MEIS2: variants seen among roughly 807,000 people sequenced by gnomAD.
MEIS2 encodes homeobox protein Meis2.
A neutral mutation model predicts 58.6 loss-of-function variants in MEIS2; 9 were observed. The observed-to-expected ratio is 0.15, with a 90% CI of 0.09 to 0.27. MEIS2 has a LOEUF of 0.27. MEIS2 is among the 10% of genes least tolerant of loss of function. The pLI, the probability that MEIS2 is intolerant of heterozygous loss-of-function variation, is 1.00. For missense variants in MEIS2, 427 were observed against 635.0 expected (o/e 0.67, Z 3.52); for synonymous variants, 221 against 228.4 (o/e 0.97, Z 0.29).
At chr15:36,935,751 T>G (rs1346357724) in intron 9 of MEIS2, among the ~76,000 whole-genome samples, 1 of 152,104 alleles carries the variant, frequency 6.6e-6, no homozygotes, top group Non-Finnish European at 1.5e-5. Context: ...TGGCTTTATC[T>G]CTAATGCCCT....
At chr15:37,063,780 T>G (rs763415532) in intron 7 of MEIS2, among the ~76,000 whole-genome samples, 5 of 152,188 alleles carry the variant, frequency 3.3e-5, no homozygotes, top group Non-Finnish European at 7.4e-5. Flanking sequence ...CTTTAAAATT[T>G]TTAAACAAGA....
At chr15:37,022,860 T>A (rs2061571818) in intron 8 of MEIS2, among the ~76,000 whole-genome samples, 1 of 151,538 alleles carries the variant, frequency 6.6e-6, no homozygotes, top group African/African-American at 2.4e-5. Context: ...TTTCACCATC[T>A]TGGCCAGGCT....
chr15:36,913,348 T>C (rs761799085), intron 9 of MEIS2, among the ~76,000 whole-genome samples: 1 of 152,240 alleles, frequency 6.6e-6, no homozygotes, highest in Non-Finnish European at 1.5e-5. Flanking sequence ...ACATTGATAC[T>C]TAGTTTGATT....
chr15:37,070,700 C>A (rs1442832407), intron 7 of MEIS2, among the ~76,000 whole-genome samples: 6 of 151,966 alleles, frequency 3.9e-5, no homozygotes, highest in Admixed American at 3.9e-4. Context: ...TTACTCAATC[C>A]TGTTAAGTCA....
chr15:36,901,683 A>G (rs1041018077), intron 9 of MEIS2, among the ~76,000 whole-genome samples: 1 of 152,224 alleles, frequency 6.6e-6, no homozygotes, highest in African/African-American at 2.4e-5. Context: ...TAATAAATTT[A>G]TAATATAAAA....
intron 8 of MEIS2, among the ~76,000 whole-genome samples, chr15:36,985,327 T>C (rs1257798338): frequency 1.3e-5 from 2 of 152,200 alleles, no homozygotes; most frequent in Non-Finnish European, 2.9e-5. Flanking sequence ...ATGAGTATTT[T>C]AATCTTGCTC....
At chr15:37,035,831 G>A (rs1246661601) in intron 8 of MEIS2, among the ~76,000 whole-genome samples, 2 of 152,166 alleles carry the variant, frequency 1.3e-5, no homozygotes, top group African/African-American at 4.8e-5. Flanking sequence ...ACCTTGTCCT[G>A]GACCCATGAC....
At chr15:36,894,943 A>G in intron 11 of MEIS2, 1 of 950,536 alleles carries the variant, frequency 1.1e-6, no homozygotes. Context: ...AAGGATGTGT[A>G]TGGGGCAGAG....
At chr15:36,989,998 G>A (rs1214243925) in intron 8 of MEIS2, among the ~76,000 whole-genome samples, 4 of 152,184 alleles carry the variant, frequency 2.6e-5, no homozygotes, top group African/African-American at 9.6e-5. Flanking sequence ...AGGCTGGAGT[G>A]CAGTGGCACA....
chr15:36,995,706 T>TAAAAAAAAAAAAAAA (rs71821151), intron 8 of MEIS2, among the ~76,000 whole-genome samples: 1 of 4,122 alleles, frequency 2.4e-4, no homozygotes, highest in Non-Finnish European at 3.8e-4. Context: ...TTACAGCTAC[T>TAAAAAAAAAAAAAAA]AAAAAAAAAA....
At chr15:37,078,415 A>C (rs1891705669) in intron 7 of MEIS2, among the ~76,000 whole-genome samples, 1 of 151,690 alleles carries the variant, frequency 6.6e-6, no homozygotes, top group African/African-American at 2.4e-5. Flanking sequence ...CCAGATGTGA[A>C]AGACATTCAT....
chr15:37,099,484 A>G lies in MEIS2; in HGVS notation c.-18T>C. ...TGCGCCATCAGTCTGCGCTCCAATA[A>G]ACTCCTGGATGTGTCGTATATTTAA... On this transcript the variant is annotated 5_prime_UTR_variant, in exon 1 of 12. Coordinates refer to ENST00000561208, the MANE Select transcript of MEIS2 (RefSeq NM_170675.5). 1 of 1,613,878 alleles carries G rather than the reference A, an allele frequency of 6.2e-7. No individual in the cohort carries two copies. Among genetic ancestry groups the G allele is most frequent in the Non-Finnish European group, 8.5e-7 (1 of 1,179,978 alleles).
intron 8 of MEIS2, among the ~76,000 whole-genome samples, chr15:37,013,605 C>T (rs2061242810): frequency 6.8e-6 from 1 of 147,670 alleles, no homozygotes; most frequent in Admixed American, 6.8e-5. Flanking sequence ...TATAATATTG[C>T]TAATATATTA....
intron 8 of MEIS2, among the ~76,000 whole-genome samples, chr15:36,985,834 G>T (rs2060075343): frequency 6.6e-6 from 1 of 152,112 alleles, no homozygotes; most frequent in Non-Finnish European, 1.5e-5. Context: ...CACAATTCCT[G>T]GTTCACTAGG....
chr15:37,075,761 GAGA>G (rs1891323161), intron 7 of MEIS2, among the ~76,000 whole-genome samples: 1 of 152,044 alleles, frequency 6.6e-6, no homozygotes, highest in Non-Finnish European at 1.5e-5. Flanking sequence ...TGGGAGTGCA[GAGA>G]AGGAGCCACG....
At chr15:36,996,054 TATAC>T (rs1382925163) in intron 8 of MEIS2, among the ~76,000 whole-genome samples, 1 of 106,176 alleles carries the variant, frequency 9.4e-6, no homozygotes, top group Non-Finnish European at 2.1e-5. Context: ...CACATATATA[TATAC>T]ACACACATAT....
intron 2 of MEIS2, 52 bp downstream of exon 2, chr15:37,097,913 AAC>A: frequency 2.6e-6 from 4 of 1,519,576 alleles, no homozygotes; most frequent in Non-Finnish European, 3.5e-6. Context: ...CACAGAGACA[AAC>A]ACACACTCTC....
chr15:37,027,425 C>G (rs2061743386), intron 8 of MEIS2, among the ~76,000 whole-genome samples: 1 of 152,224 alleles, frequency 6.6e-6, no homozygotes, highest in Admixed American at 6.5e-5. Flanking sequence ...ATGGAATACA[C>G]TTGCAAACTG....
At chr15:37,061,256 G>A (rs956957310) in intron 7 of MEIS2, among the ~76,000 whole-genome samples, 1 of 152,150 alleles carries the variant, frequency 6.6e-6, no homozygotes, top group African/African-American at 2.4e-5. Flanking sequence ...GACGGAAGAT[G>A]GGGATTAAAG....
Sources: gnomAD v4.1 joint callset for allele counts (sites outside exome capture counted in the v4.1 genomes callset) on GRCh38, gnomAD v4.1.1 for gene constraint, MANE v1.5 for transcripts, NCBI Gene and HGNC (gene_info 2026-07-23, HGNC 2026-07-21) for gene names.